Variants in GALNTL6 observed in about 807,000 individuals in gnomAD.
GALNTL6 encodes polypeptide N-acetylgalactosaminyltransferase-like 6.
A neutral mutation model predicts 73.7 loss-of-function variants in GALNTL6; 46 were observed. That is an observed-to-expected ratio of 0.62 (90% CI 0.49 to 0.80). The LOEUF is 0.80. Among genes scored for constraint, GALNTL6 ranks in the 30% least tolerant of loss-of-function variants. The probability of loss-of-function intolerance (pLI) is 0.00; values close to 1 mark genes in which losing one functional copy is unlikely to be tolerated. For missense variants in GALNTL6, 604 were observed against 755.0 expected, an observed-to-expected ratio of 0.80 and a Z score of 2.34; for synonymous variants, 259 against 263.7, an observed-to-expected ratio of 0.98 and a Z score of 0.17.
At chr4:172,612,090 A>G (rs928374833) in intron 5 of GALNTL6, among the ~76,000 whole-genome samples, 2 of 152,074 alleles carry the variant, frequency 1.3e-5, no homozygotes, top group Non-Finnish European at 2.9e-5. Context: ...CATAAAGGAT[A>G]AGGATCCAGA....
chr4:172,247,452 T>C (rs1425455681), intron 3 of GALNTL6, among the ~76,000 whole-genome samples: 1 of 152,192 alleles, frequency 6.6e-6, no homozygotes, highest in Admixed American at 6.5e-5. Context: ...TTGCAGTTCT[T>C]TCTCACACAG....
At chr4:172,546,447 A>C (rs1353544101) in intron 5 of GALNTL6, among the ~76,000 whole-genome samples, 2 of 151,722 alleles carry the variant, frequency 1.3e-5, no homozygotes, top group African/African-American at 4.8e-5. Context: ...AGAAATCTGC[A>C]CTTATACCCT....
chr4:171,838,135 T>TTTAC lies in GALNTL6; in HGVS notation c.138+23419_138+23420insACTT, dbSNP rs1278025201. ...ATTTATTTATTTATTTATTTATTTA[T>TTTAC]TTTTTGAGACAGAGTTTCGCTCTTT... On this transcript the variant is annotated intron_variant, in intron 2 of 12. Transcript: ENST00000506823. Among the ~76,000 whole-genome samples, 3 of 151,210 alleles carry TTTAC rather than the reference T, an allele frequency of 2.0e-5. No individual in the cohort carries two copies. In the East Asian group the frequency reaches 5.8e-4, roughly 29 times the overall value.
At chr4:171,900,604 C>T (rs1185390470) in intron 2 of GALNTL6, among the ~76,000 whole-genome samples, 2 of 151,826 alleles carry the variant, frequency 1.3e-5, no homozygotes, top group African/African-American at 4.8e-5. Flanking sequence ...ATGTGTGAGC[C>T]AGCGCTATTT....
chr4:171,963,523 G>A (rs1436598687), intron 2 of GALNTL6, among the ~76,000 whole-genome samples: 6 of 152,092 alleles, frequency 3.9e-5, no homozygotes, highest in Non-Finnish European at 8.8e-5. Context: ...GTGTGAATAA[G>A]GTAAACTGTT....
chr4:172,992,000 T>G (rs1751563748), intron 10 of GALNTL6, among the ~76,000 whole-genome samples: 2 of 152,350 alleles, frequency 1.3e-5, no homozygotes, highest in African/African-American at 2.4e-5. Context: ...CTTATAAACT[T>G]GCTTAAACTT....
intron 5 of GALNTL6, among the ~76,000 whole-genome samples, chr4:172,544,368 G>A (rs916184376): frequency 7.2e-5 from 11 of 152,166 alleles, no homozygotes; most frequent in African/African-American, 2.7e-4. Flanking sequence ...TGGTTCTCAA[G>A]GGTCCTGTTT....
At chr4:172,445,506 G>A (rs561178509) in intron 5 of GALNTL6, among the ~76,000 whole-genome samples, 1 of 152,048 alleles carries the variant, frequency 6.6e-6, no homozygotes, top group South Asian at 2.1e-4. Context: ...ACGCACACAT[G>A]CACACACAAT....
At chr4:172,578,437 T>C (rs563616051) in intron 5 of GALNTL6, among the ~76,000 whole-genome samples, 14 of 152,336 alleles carry the variant, frequency 9.2e-5, no homozygotes, top group African/African-American at 2.9e-4. Context: ...TTTACTTTGA[T>C]CTTTGTTAAT....
intron 3 of GALNTL6, among the ~76,000 whole-genome samples, chr4:172,301,375 G>A (rs1739913230): frequency 1.3e-5 from 2 of 152,198 alleles, no homozygotes; most frequent in African/African-American, 2.4e-5. Context: ...ACTCGTCAAA[G>A]TCATTTGCCG....
At chr4:172,122,588 C>T (rs1396436108) in intron 2 of GALNTL6, among the ~76,000 whole-genome samples, 2 of 152,104 alleles carry the variant, frequency 1.3e-5, no homozygotes, top group Non-Finnish European at 1.5e-5. Flanking sequence ...GAGTTTATAA[C>T]GAGCAAAAGA....
At chr4:172,476,506 C>T (rs1733239433) in intron 5 of GALNTL6, among the ~76,000 whole-genome samples, 1 of 152,288 alleles carries the variant, frequency 6.6e-6, no homozygotes, top group East Asian at 1.9e-4. Flanking sequence ...AAGCCGTCTA[C>T]ATTTGAGAGA....
intron 5 of GALNTL6, among the ~76,000 whole-genome samples, chr4:172,770,678 C>CT (rs1427908036): frequency 2.6e-5 from 4 of 152,076 alleles, no homozygotes; most frequent in Non-Finnish European, 4.4e-5. Context: ...TTACCATGTA[C>CT]TTAATTGACT....
At chr4:172,105,924 T>A (rs1324843043) in intron 2 of GALNTL6, among the ~76,000 whole-genome samples, 1 of 152,132 alleles carries the variant, frequency 6.6e-6, no homozygotes, top group Non-Finnish European at 1.5e-5. Context: ...TTTTAAAAAA[T>A]GCTAAAAGTT....
At chr4:172,927,264 C>A (rs1263304261) in intron 8 of GALNTL6, among the ~76,000 whole-genome samples, 1 of 152,318 alleles carries the variant, frequency 6.6e-6, no homozygotes, top group East Asian at 1.9e-4. Flanking sequence ...ATAGTCACAT[C>A]TAAATACAAA....
At chr4:172,613,693 C>A (rs567802999) in intron 5 of GALNTL6, among the ~76,000 whole-genome samples, 3 of 152,136 alleles carry the variant, frequency 2.0e-5, no homozygotes, top group South Asian at 4.1e-4. Flanking sequence ...TCTTTAAAGT[C>A]AAAAATACCA....
At chr4:172,724,078 C>T (rs570862399) in intron 5 of GALNTL6, among the ~76,000 whole-genome samples, 11 of 152,240 alleles carry the variant, frequency 7.2e-5, no homozygotes, top group African/African-American at 2.6e-4. Context: ...TCATAAGTCA[C>T]CATGTGGGAG....
intron 5 of GALNTL6, among the ~76,000 whole-genome samples, chr4:172,758,928 G>A (rs1737909171): frequency 6.6e-6 from 1 of 152,168 alleles, no homozygotes; most frequent in South Asian, 2.1e-4. Flanking sequence ...AGTCCCAAGG[G>A]GGGACTATTG....
chr4:172,440,704 G>A (rs956526310), intron 5 of GALNTL6, among the ~76,000 whole-genome samples: 1 of 152,128 alleles, frequency 6.6e-6, no homozygotes, highest in Non-Finnish European at 1.5e-5. Context: ...AGGAGGCTAT[G>A]CATGTGTAGA....
Sources: allele counts gnomAD v4.1 joint callset (sites outside exome capture counted in the v4.1 genomes callset), GRCh38; gene constraint gnomAD v4.1.1; transcripts MANE v1.5; gene names NCBI Gene and HGNC (gene_info 2026-07-23, HGNC 2026-07-21).